The following OCA2 variants were observed in gnomAD, a reference collection of about 807,000 sequenced individuals.
OCA2 encodes OCA2 melanosomal transmembrane protein, also known as P protein.
OCA2 carries 77 observed loss-of-function variants against 100.2 expected under a neutral mutation model. The observed-to-expected ratio is 0.77, with a 90% CI of 0.64 to 0.93. OCA2 has a LOEUF of 0.93. OCA2 is among the 40% of genes least tolerant of loss of function. The pLI, the probability that OCA2 is intolerant of heterozygous loss-of-function variation, is 0.00. For synonymous variants in OCA2, 432 were observed against 439.2 expected (o/e 0.98, Z 0.21); for missense variants, 1,062 against 1,089.1 (o/e 0.98, Z 0.35).
intron 3 of OCA2, 30 bp from the exon 4 acceptor site, chr15:28,028,089 T>C: frequency 1.2e-6 from 2 of 1,612,090 alleles, no homozygotes; most frequent in Middle Eastern, 1.7e-4. Context: ...TGGTTATCTC[T>C]CCTGAAATAG....
At chr15:27,910,933 G>C (rs2038370303) in intron 19 of OCA2, among the ~76,000 whole-genome samples, 2 of 151,654 alleles carry the variant, frequency 1.3e-5, no homozygotes. Context: ...TCCAGCCTGG[G>C]CAACAGAGTG....
At chr15:27,908,635 G>A (rs545070140) in intron 19 of OCA2, among the ~76,000 whole-genome samples, 8 of 152,128 alleles carry the variant, frequency 5.3e-5, no homozygotes, top group Non-Finnish European at 7.4e-5. Flanking sequence ...TGGAGTCCAC[G>A]TGAGTACAGA....
At position 28,043,229 on chromosome 15, in the gene OCA2, AG is replaced by A. The variant is rs928098960; in HGVS notation, c.228-11067del. On this transcript the variant is annotated intron_variant, in intron 2 of 23. Transcript: ENST00000354638. The surrounding 1 kb of genome is among the most constrained non-coding windows in gnomAD (Gnocchi z 4.4). ...CTAATTTCAATTGTCCTTTCCCCTA[AG>A]GAAAGTAGTTTAAACAGCAAGTAGG... 4.6e-5 allele frequency among the ~76,000 whole-genome samples: 7 copies of A among 152,316 alleles called. No homozygotes were observed. Among genetic ancestry groups the A allele is most frequent in the African/African-American group, 1.7e-4 (7 of 41,562 alleles).
intron 23 of OCA2, among the ~76,000 whole-genome samples, chr15:27,839,938 T>C (rs916073431): frequency 1.3e-5 from 2 of 152,114 alleles, no homozygotes; most frequent in Admixed American, 6.5e-5. Context: ...AAAAAGATTC[T>C]TCAAACTGGA....
At chr15:28,005,999 G>T (rs987145008) in intron 9 of OCA2, among the ~76,000 whole-genome samples, 4 of 152,150 alleles carry the variant, frequency 2.6e-5, no homozygotes, top group African/African-American at 7.2e-5. Context: ...TCCAAAGGCA[G>T]CCACTGGCCA....
chr15:27,993,140 A>G (rs2041611195), intron 9 of OCA2, among the ~76,000 whole-genome samples: 1 of 152,176 alleles, frequency 6.6e-6, no homozygotes, highest in African/African-American at 2.4e-5. Flanking sequence ...AAAACAAAAA[A>G]GAGTGAAGAG....
In OCA2 at chr15:27,849,652, C is replaced by T. The variant is rs1158257206; in HGVS notation, c.2338+1730G>A. 2.0e-5 allele frequency among the ~76,000 whole-genome samples: 3 copies of T among 152,160 alleles called. No individual in the cohort carries two copies. In the East Asian group the frequency reaches 5.8e-4, roughly 29 times the overall value. ...TCTATTTAAAGTGTTCCTCAGAATG[C>T]CAGCCCTGGAGGATGGGAAGTTGGT... On this transcript the variant is annotated intron_variant, in intron 22 of 23. Coordinates refer to ENST00000354638, the MANE Select transcript of OCA2 (RefSeq NM_000275.3).
Position 28,081,896 on chromosome 15 carries a change from C to G in OCA2, c.-21-1G>C. ...GCATGCTCCACTGCCAGTCTTCTCTCTAGGGCAGCCAGAAAGAAACCACTC... is the reference window on the plus strand; with the variant it reads ...GCATGCTCCACTGCCAGTCTTCTCTGTAGGGCAGCCAGAAAGAAACCACTC... On this transcript the variant is annotated splice_acceptor_variant, in intron 1 of 23. Coordinates refer to ENST00000354638, the MANE Select transcript of OCA2 (RefSeq NM_000275.3). LOFTEE classifies it low-confidence loss of function (5UTR_SPLICE). 6.3e-7 allele frequency: 1 copy of G among 1,599,956 alleles called. No homozygotes were observed.
At chr15:28,008,139 A>T (rs992139861) in intron 9 of OCA2, among the ~76,000 whole-genome samples, 4 of 152,240 alleles carry the variant, frequency 2.6e-5, no homozygotes, top group Admixed American at 6.5e-5. Context: ...ACAATAAGTG[A>T]GATGGAGCGC....
Position 28,027,950 on chromosome 15 carries a change from C to G in OCA2, c.436G>C (p.Gly146Arg), listed in dbSNP as rs2042805228. ...TCGGAGGAGGCAGATGCAGACAGACCAGACACCTCCCTGCTTAGCAGGTAT... is the reference window on the plus strand; with the variant it reads ...TCGGAGGAGGCAGATGCAGACAGACGAGACACCTCCCTGCTTAGCAGGTAT... Reference protein sequence around the residue: ...RRYLLSREVSGLSASASSEKG... With the variant: ...RRYLLSREVSRLSASASSEKG... The change falls in exon 4 of 24, where the codon GGT (glycine) becomes CGT (arginine). Residue 146 changes from glycine to arginine, a missense_variant. Gly to Arg is a moderately radical substitution (Grantham distance 125). Coordinates refer to ENST00000354638, the MANE Select transcript of OCA2 (RefSeq NM_000275.3). 6.2e-7 allele frequency: 1 copy of G among 1,614,150 alleles called. No individual in the cohort carries two copies. Among genetic ancestry groups the G allele is most frequent in the African/African-American group, 1.3e-5 (1 of 75,044 alleles).
intron 23 of OCA2, among the ~76,000 whole-genome samples, chr15:27,836,392 T>C (rs552483454): frequency 1.8e-4 from 26 of 146,602 alleles, no homozygotes; most frequent in Non-Finnish European, 5.9e-5. Context: ...CTTTCTTTTC[T>C]TGTCTTGTCT....
At chr15:27,784,201 A>T (rs1213434916) in intron 23 of OCA2, among the ~76,000 whole-genome samples, 1 of 152,166 alleles carries the variant, frequency 6.6e-6, no homozygotes, top group Non-Finnish European at 1.5e-5. Flanking sequence ...CAAAGAAAAC[A>T]CCTAAAAGTG....
chr15:27,852,377 C>T (rs543647975), intron 21 of OCA2, among the ~76,000 whole-genome samples: 13 of 152,196 alleles, frequency 8.5e-5, no homozygotes, highest in Admixed American at 3.3e-4. Context: ...TGTAGATATG[C>T]AGCGTTATTT....
At chr15:27,990,704 C>G in intron 9 of OCA2, 57 bp from the exon 10 acceptor site, 2 of 1,468,272 alleles carry the variant, frequency 1.4e-6, no homozygotes, top group Non-Finnish European at 1.9e-6. Flanking sequence ...TTAGCACACA[C>G]GAAAGCCTGT....
intron 1 of OCA2, among the ~76,000 whole-genome samples, chr15:28,088,818 A>C: frequency 6.6e-6 from 1 of 152,212 alleles, no homozygotes; most frequent in Non-Finnish European, 1.5e-5. Flanking sequence ...GCAAAATTAA[A>C]ATTGCTAATG....
chr15:28,076,578 T>C (rs1006204257), intron 2 of OCA2, among the ~76,000 whole-genome samples: 1 of 152,102 alleles, frequency 6.6e-6, no homozygotes, highest in African/African-American at 2.4e-5. Context: ...CCGGGCGCGG[T>C]GGCTCACACC....
At chr15:27,897,929 G>GT (rs2037775155) in intron 19 of OCA2, among the ~76,000 whole-genome samples, 1 of 152,248 alleles carries the variant, frequency 6.6e-6, no homozygotes, top group Non-Finnish European at 1.5e-5. Flanking sequence ...GTGGGACATG[G>GT]TGTCAAAGGA....
At chr15:27,733,617 C>A in the OCA2 span, among the ~76,000 whole-genome samples, 1 of 152,200 alleles carries the variant, frequency 6.6e-6, no homozygotes, top group Non-Finnish European at 1.5e-5. Flanking sequence ...GTGTCTGCAC[C>A]TGAAAATACA....
At chr15:27,953,315 C>A (rs565483833) in intron 17 of OCA2, among the ~76,000 whole-genome samples, 1 of 152,206 alleles carries the variant, frequency 6.6e-6, no homozygotes, top group African/African-American at 2.4e-5. Flanking sequence ...ACAGCTGACA[C>A]AGCCCCTCCT....
Sources: gnomAD v4.1 joint callset for allele counts (sites outside exome capture counted in the v4.1 genomes callset) on GRCh38, gnomAD v4.1.1 for gene constraint, Gnocchi (gnomAD v3.1) non-coding constraint, MANE v1.5 for transcripts, NCBI Gene and HGNC (gene_info 2026-07-23, HGNC 2026-07-21) for gene names.